Variants in PABIR2 observed in about 807,000 individuals in gnomAD.
PABIR2 encodes the protein PABIR family member 2.
Under a neutral mutation model 22.8 loss-of-function variants are expected in PABIR2, and 7 were observed. The observed-to-expected ratio is 0.31, with a 90% CI of 0.17 to 0.58. The LOEUF is 0.58. Ranked by LOEUF, PABIR2 falls within the 20% of genes least tolerant of loss-of-function variation. The pLI, the probability that PABIR2 is intolerant of heterozygous loss-of-function variation, is 0.89. For synonymous variants in PABIR2, 67 were observed against 73.8 expected (o/e 0.91, Z 0.47); for missense variants, 155 against 205.1 (o/e 0.76, Z 1.49).
At position 134,793,821 on chromosome X, in the gene PABIR2, G is replaced by A; in HGVS notation, c.171C>T (p.His57=). The A allele has an allele frequency of 8.3e-7, 1 of 1,209,825 alleles. No homozygotes were observed. Among genetic ancestry groups the A allele is most frequent in the Non-Finnish European group, 1.1e-6 (1 of 893,982 alleles). Residue 57 remains histidine, a synonymous_variant, in exon 2 of 10, where the codon CAC becomes CAT. Coordinates refer to ENST00000343004, the MANE Select transcript of PABIR2 (RefSeq NM_001387468.1). ...TACTTACTTCTATACTTACCAGGCT[G>A]TGACGGCTCATAATTGTTGTACTAT... ...RRNSTTIMSR[H]SLLLSSSPNR... is the part of the protein sequence containing the mutation.
chrX:134,776,605 T>C (rs1403494382), intron 9 of PABIR2, among the ~76,000 whole-genome samples: 3 of 110,207 alleles, frequency 2.7e-5, no homozygotes, highest in Non-Finnish European at 3.8e-5. Context: ...ACTTGGGAAT[T>C]TTCGTTTAGT....
Position 134,796,400 on chromosome X carries a change from T to C in PABIR2, c.-195A>G, listed in dbSNP as rs1202518694. The C allele has an allele frequency of 3.1e-5, 12 of 382,503 alleles. No homozygotes were observed. Among genetic ancestry groups the C allele is most frequent in the Admixed American group, 3.0e-4 (7 of 23,148 alleles). The allele number at this position is 382,503 out of a possible 1,213,427, so 31.5% of individuals were successfully genotyped here. A position where few individuals can be genotyped will look rare whatever the true frequency, so the allele number is the denominator to read the frequency against. ...GGAGAGGAGGAGGGAAGGAGGATGA[T>C]GATGAGGAAGGGAGGATGATGGTGA... On this transcript the variant is annotated 5_prime_UTR_variant, in exon 1 of 10. Transcript: ENST00000343004.
chrX:134,774,762 T>G (rs936397037), intron 9 of PABIR2, among the ~76,000 whole-genome samples: 1 of 112,471 alleles, frequency 8.9e-6, no homozygotes, highest in Non-Finnish European at 1.9e-5. Flanking sequence ...CACTGCAATT[T>G]AGATTCAGAA....
At position 134,788,538 on chromosome X, in the gene PABIR2, TTA is replaced by T. The variant is rs1184161165; in HGVS notation, c.435+190_435+191del. 5.6e-3 allele frequency among the ~76,000 whole-genome samples: 581 copies of T among 104,099 alleles called. 3 individuals are homozygous for T. The highest frequency in any genetic ancestry group is 8.1e-3 in the Non-Finnish European group (417 of 51,774). The allele number at this position is 104,099 out of a possible 115,157, so 90.4% of individuals were successfully genotyped here. A position where few individuals can be genotyped will look rare whatever the true frequency, so the allele number is the denominator to read the frequency against. Reference sequence around the variant, plus strand: ...ATGTTATATATATGTAATATATATGTTATATATATATATATTTTAAGAAGACC... The same window carrying T: ...ATGTTATATATATGTAATATATATGTTATATATATATATTTTAAGAAGACC... On this transcript the variant is annotated intron_variant, in intron 6 of 9. Transcript: ENST00000343004.
At chrX:134,792,319 G>A (rs1041562205) in intron 2 of PABIR2, among the ~76,000 whole-genome samples, 1 of 112,002 alleles carries the variant, frequency 8.9e-6, no homozygotes, top group Non-Finnish European at 1.9e-5. Context: ...CTAGACCATG[G>A]TTGATAAGAA....
At chrX:134,789,658 T>C in intron 2 of PABIR2, 22 bp from the exon 3 acceptor site, 1 of 1,139,118 alleles carries the variant, frequency 8.8e-7, no homozygotes, top group Non-Finnish European at 1.2e-6. Flanking sequence ...AAGTAAACAT[T>C]TACTATTTTC....
chrX:134,779,509 G>A (rs984145593), intron 9 of PABIR2, among the ~76,000 whole-genome samples: 3 of 111,945 alleles, frequency 2.7e-5, no homozygotes, highest in African/African-American at 9.7e-5. Context: ...CGGGTCTACA[G>A]GGTAGGGGAG....
At chrX:134,781,280 G>T (rs1267533444) in intron 9 of PABIR2, among the ~76,000 whole-genome samples, 1 of 112,664 alleles carries the variant, frequency 8.9e-6, no homozygotes, top group Admixed American at 9.4e-5. Context: ...CCCTTCATGG[G>T]GGCATGGATA....
intron 8 of PABIR2, among the ~76,000 whole-genome samples, chrX:134,783,578 C>A (rs1159541623): frequency 9.0e-6 from 1 of 110,846 alleles, no homozygotes; most frequent in East Asian, 2.8e-4. Context: ...ATACAAAATT[C>A]TCTGGGCGTG....
intron 9 of PABIR2, among the ~76,000 whole-genome samples, chrX:134,779,595 T>C (rs982055061): frequency 1.8e-5 from 2 of 111,631 alleles, no homozygotes; most frequent in African/African-American, 6.5e-5. Flanking sequence ...GAGGAATAAA[T>C]GTCTGGACAA....
rs761808705 is a variant in PABIR2, at chrX:134,786,499, C to G, written c.498-549G>C. On this transcript the variant is annotated intron_variant, in intron 7 of 9. Coordinates refer to ENST00000343004, the MANE Select transcript of PABIR2 (RefSeq NM_001387468.1). ...CACCATTGCACTCCAGCCTGGGCAA[C>G]AGGAGCAAAACTCCGTCGCAAAAAT... is the stretch of plus-strand genomic sequence containing the variant. Among the ~76,000 whole-genome samples, 108 of 110,425 alleles carry G rather than the reference C, an allele frequency of 9.8e-4. 1 individual carries two copies. Among genetic ancestry groups the G allele is most frequent in the Non-Finnish European group, 1.8e-3 (96 of 52,704 alleles).
chrX:134,793,302 A>G (rs1408453769), intron 2 of PABIR2, among the ~76,000 whole-genome samples: 1 of 111,975 alleles, frequency 8.9e-6, no homozygotes, highest in African/African-American at 3.2e-5. Context: ...CCTCATCATA[A>G]TTTCTCCCAA....
chrX:134,788,873 C>A, intron 5 of PABIR2, 42 bp from the exon 6 acceptor site: 1 of 1,111,748 alleles, frequency 9.0e-7, no homozygotes, highest in Non-Finnish European at 1.2e-6. Context: ...AAATTCAGCA[C>A]ATCACAGCTC....
chrX:134,777,387 G>A (rs886805087), intron 9 of PABIR2, among the ~76,000 whole-genome samples: 5 of 110,930 alleles, frequency 4.5e-5, no homozygotes, highest in Admixed American at 1.9e-4. Context: ...TCAGCTGGGC[G>A]TGATGGTGCA....
At chrX:134,773,261 A>G (rs997899764) in intron 9 of PABIR2, among the ~76,000 whole-genome samples, 2 of 110,152 alleles carry the variant, frequency 1.8e-5, no homozygotes, top group African/African-American at 6.6e-5. Context: ...CCTGAATTCA[A>G]TCATTCACTT....
chrX:134,786,002 T>C (rs375840842), intron 7 of PABIR2, 52 bp from the exon 8 acceptor site: 6 of 1,079,446 alleles, frequency 5.6e-6, no homozygotes, highest in East Asian at 3.0e-5. Context: ...CGATGCAAGA[T>C]AAAACAGCAG....
At chrX:134,788,522 ATATG>A (rs2079445988) in intron 6 of PABIR2, among the ~76,000 whole-genome samples, 1 of 106,506 alleles carries the variant, frequency 9.4e-6, no homozygotes, top group Non-Finnish European at 1.9e-5. Flanking sequence ...TATGTTATAT[ATATG>A]TAATATATAT....
intron 2 of PABIR2, among the ~76,000 whole-genome samples, chrX:134,791,896 C>G: frequency 8.9e-6 from 1 of 111,807 alleles, no homozygotes; most frequent in Non-Finnish European, 1.9e-5. Flanking sequence ...CCAATCTCTA[C>G]TCCTACTAAA....
chrX:134,787,612 T>C, intron 6 of PABIR2, 79 bp from the exon 7 acceptor site: 1 of 238,048 alleles, frequency 4.2e-6, no homozygotes, highest in Non-Finnish European at 6.4e-6. Flanking sequence ...TTTTCTTTCT[T>C]TTTTTTTTTT....
Sources: allele counts gnomAD v4.1 joint callset (sites outside exome capture counted in the v4.1 genomes callset), GRCh38; gene constraint gnomAD v4.1.1; transcripts MANE v1.5; gene names NCBI Gene and HGNC (gene_info 2026-07-23, HGNC 2026-07-21).